Variants in TBC1D5 observed in about 807,000 individuals in gnomAD.
TBC1D5 encodes TBC1 domain family, member 5.
A neutral mutation model predicts 100.3 loss-of-function variants in TBC1D5; 75 were observed. That is an observed-to-expected ratio of 0.75 (90% confidence interval 0.62 to 0.91). The LOEUF is 0.91. Ranked by LOEUF, TBC1D5 falls within the 40% of genes least tolerant of loss-of-function variation. The pLI, the probability that TBC1D5 is intolerant of heterozygous loss-of-function variation, is 0.00. For missense variants in TBC1D5, 910 were observed against 942.4 expected (o/e 0.97, Z 0.45); for synonymous variants, 323 against 325.6 (o/e 0.99, Z 0.09).
At chr3:17,556,033 T>C (rs978255819) in intron 2 of TBC1D5, among the ~76,000 whole-genome samples, 1 of 152,160 alleles carries the variant, frequency 6.6e-6, no homozygotes, top group Non-Finnish European at 1.5e-5. Flanking sequence ...TAGTTTGGTT[T>C]TTTTTTTGAG....
At chr3:17,355,719 T>G (rs1420800065) in intron 13 of TBC1D5, among the ~76,000 whole-genome samples, 1 of 152,016 alleles carries the variant, frequency 6.6e-6, no homozygotes, top group East Asian at 1.9e-4. Context: ...TTTTTTTTGG[T>G]TTTTATTTCC....
intron 1 of TBC1D5, among the ~76,000 whole-genome samples, chr3:17,738,006 A>G (rs1343925127): frequency 1.3e-5 from 2 of 152,208 alleles, no homozygotes; most frequent in Admixed American, 6.5e-5. Flanking sequence ...TTCAGAAAAA[A>G]AGGTGATCCT....
At chr3:17,160,944 G>A in exon 22 of TBC1D5, 1 of 1,604,932 alleles carries the variant, frequency 6.2e-7, no homozygotes, top group South Asian at 1.1e-5. Context: ...TCCCTGTGGG[G>A]CAGGACTGGG....
intron 3 of TBC1D5, among the ~76,000 whole-genome samples, chr3:17,481,291 T>C (rs988601283): frequency 6.6e-6 from 1 of 152,196 alleles, no homozygotes; most frequent in African/African-American, 2.4e-5. Context: ...CTTGCTCCAC[T>C]CTGTGCCTGG....
chr3:17,696,149 A>G (rs1430060920), intron 1 of TBC1D5, among the ~76,000 whole-genome samples: 1 of 152,232 alleles, frequency 6.6e-6, no homozygotes, highest in Admixed American at 6.5e-5. Context: ...AGAAAGCAAG[A>G]AAGATCTAAA....
chr3:17,446,639 T>C (rs1054164124), intron 3 of TBC1D5, among the ~76,000 whole-genome samples: 4 of 152,146 alleles, frequency 2.6e-5, no homozygotes, highest in African/African-American at 9.7e-5. Flanking sequence ...TAACTAAAGC[T>C]TAGGATAAAA....
chr3:17,386,848 T>A (rs1395076634), intron 8 of TBC1D5, among the ~76,000 whole-genome samples: 2 of 152,168 alleles, frequency 1.3e-5, no homozygotes. Context: ...TATCAATTCC[T>A]GGTTTCATTT....
chr3:17,596,886 A>G (rs2060609536), intron 2 of TBC1D5, among the ~76,000 whole-genome samples: 1 of 152,052 alleles, frequency 6.6e-6, no homozygotes, highest in Non-Finnish European at 1.5e-5. Context: ...ATGAACTACA[A>G]CTGTCACTAT....
intron 19 of TBC1D5, among the ~76,000 whole-genome samples, chr3:17,182,122 C>T (rs929964749): frequency 6.6e-6 from 1 of 152,182 alleles, no homozygotes; most frequent in Non-Finnish European, 1.5e-5. Context: ...TGCTTAGAAT[C>T]AAAGTTGCCT....
intron 3 of TBC1D5, among the ~76,000 whole-genome samples, chr3:17,497,958 A>C (rs946584034): frequency 6.6e-6 from 1 of 152,158 alleles, no homozygotes; most frequent in Non-Finnish European, 1.5e-5. Flanking sequence ...AATTTATAGG[A>C]ATACAAAAAT....
chr3:17,345,239 C>A (rs1293980797), intron 13 of TBC1D5, among the ~76,000 whole-genome samples: 1 of 152,018 alleles, frequency 6.6e-6, no homozygotes, highest in African/African-American at 2.4e-5. Flanking sequence ...AACAAACAAC[C>A]CCATCAATAA....
At chr3:17,573,098 C>G (rs2096637332) in intron 2 of TBC1D5, among the ~76,000 whole-genome samples, 1 of 152,030 alleles carries the variant, frequency 6.6e-6, no homozygotes, top group Admixed American at 6.6e-5. Context: ...CATCTCCTAT[C>G]TTTAATCAAC....
At position 17,283,976 on chromosome 3, in the gene TBC1D5, C is replaced by T. The variant is rs190352273; in HGVS notation, c.1245+7919G>A. ...GTCTCTATTCTTTGCCTGGCTGGTTCCTTTTCCTCCATTAGCTGCCACCTG... is the reference window on the plus strand; with the variant it reads ...GTCTCTATTCTTTGCCTGGCTGGTTTCTTTTCCTCCATTAGCTGCCACCTG... On this transcript the variant is annotated intron_variant, in intron 15 of 21. Coordinates refer to ENST00000253692, the Ensembl canonical transcript of TBC1D5. 1.2e-3 allele frequency among the ~76,000 whole-genome samples: 190 copies of T among 152,102 alleles called. No individual in the cohort carries two copies. The Middle Eastern group carries it at 0.014, about 11-fold the overall frequency.
At chr3:17,337,123 G>GTTTTTTTTTTTTT (rs11328091) in intron 13 of TBC1D5, among the ~76,000 whole-genome samples, 4 of 116,152 alleles carry the variant, frequency 3.4e-5, no homozygotes, top group African/African-American at 1.4e-4. Flanking sequence ...TATCTGAGAG[G>GTTTTTTTTTTTTT]TTTTTTTTTT....
chr3:17,705,469 G>A (rs1425260902), intron 1 of TBC1D5, among the ~76,000 whole-genome samples: 4 of 149,814 alleles, frequency 2.7e-5, no homozygotes, highest in Non-Finnish European at 5.9e-5. Context: ...CTGTCGGGCG[G>A]AGGGGCTCCT....
chr3:17,461,856 C>G (rs1414002346), intron 3 of TBC1D5, among the ~76,000 whole-genome samples: 1 of 152,132 alleles, frequency 6.6e-6, no homozygotes, highest in African/African-American at 2.4e-5. Flanking sequence ...TCCTCCCTAT[C>G]TATGCTTTAA....
intron 13 of TBC1D5, among the ~76,000 whole-genome samples, chr3:17,323,340 T>A (rs983061329): frequency 2.6e-5 from 4 of 152,334 alleles, no homozygotes; most frequent in Admixed American, 2.0e-4. Flanking sequence ...TCACCATGAA[T>A]ATAAGCACAA....
At chr3:17,195,921 A>G (rs1575872618) in intron 18 of TBC1D5, among the ~76,000 whole-genome samples, 1 of 152,280 alleles carries the variant, frequency 6.6e-6, no homozygotes, top group East Asian at 1.9e-4. Context: ...AATACCAACA[A>G]TTCCTATTAG....
intron 3 of TBC1D5, among the ~76,000 whole-genome samples, chr3:17,484,038 A>G (rs1352533519): frequency 6.6e-6 from 1 of 152,182 alleles, no homozygotes; most frequent in East Asian, 1.9e-4. Flanking sequence ...TGGCCTCATT[A>G]GGTAAAGATA....
Sources: allele counts gnomAD v4.1 joint callset (sites outside exome capture counted in the v4.1 genomes callset), GRCh38; gene constraint gnomAD v4.1.1; transcripts MANE v1.5; gene names NCBI Gene and HGNC (gene_info 2026-07-23, HGNC 2026-07-21).